ADAMTS10: variants seen among roughly 807,000 people sequenced by gnomAD.
ADAMTS10 encodes the protein ADAM metallopeptidase with thrombospondin type 1 motif 10.
In ADAMTS10, 48 loss-of-function variants were observed where a neutral mutation model predicts 135.9. The observed-to-expected ratio is 0.35, with a 90% CI of 0.28 to 0.45. ADAMTS10 has a LOEUF of 0.45. Among genes scored for constraint, ADAMTS10 ranks in the 20% least tolerant of loss-of-function variants. The probability of loss-of-function intolerance (pLI) is 1.00; values close to 1 mark genes in which losing one functional copy is unlikely to be tolerated. For synonymous variants in ADAMTS10, 621 were observed against 647.5 expected (o/e 0.96, Z 0.62); for missense variants, 1,131 against 1,565.2 (o/e 0.72, Z 4.68).
chr19:8,592,938 G>C, intron 12 of ADAMTS10, 68 bp from the exon 13 acceptor site: 1 of 1,448,398 alleles, frequency 6.9e-7, no homozygotes, highest in Non-Finnish European at 9.5e-7. Flanking sequence ...CGCCCGGCTT[G>C]GGAGGACCCA....
rs2042673300 is a variant in ADAMTS10, at chr19:8,601,940, C to T, written c.593-795G>A. Among the ~76,000 whole-genome samples, 1 of 152,164 alleles carries T rather than the reference C, an allele frequency of 6.6e-6. No homozygotes were observed. The highest frequency in any genetic ancestry group is 1.5e-5 in the Non-Finnish European group (1 of 68,046). ...TAAGCTGGTTGGTTGAATCACTGTC[C>T]CATGATGACCAGCATGATTGTACAA... On this transcript the variant is annotated intron_variant, in intron 5 of 25. Transcript: ENST00000597188. This position sits in a 1 kb window ranked among gnomAD's most constrained non-coding sequence, Gnocchi z 4.6.
chr19:8,587,529 C>CG (rs1462303320), intron 18 of ADAMTS10, among the ~76,000 whole-genome samples: 1 of 148,088 alleles, frequency 6.8e-6, no homozygotes, highest in Non-Finnish European at 1.5e-5. Flanking sequence ...TGCAGTGGTG[C>CG]GATCATAGGT....
At chr19:8,581,041 G>T in intron 25 of ADAMTS10, 39 bp from the exon 26 acceptor site, 1 of 1,495,722 alleles carries the variant, frequency 6.7e-7, no homozygotes, top group Non-Finnish European at 9.2e-7. Context: ...TCAGGTCTCA[G>T]CTGCCCTCCC....
In ADAMTS10 at chr19:8,605,430, G is replaced by C; in HGVS notation, c.89-72C>G. ...ACCCCTGTGTCCTGGCTGTTAGGCTGCTGGAGCAAGTGATGCTGGCCTCAC... is the reference window on the plus strand; with the variant it reads ...ACCCCTGTGTCCTGGCTGTTAGGCTCCTGGAGCAAGTGATGCTGGCCTCAC... On this transcript the variant is annotated intron_variant, in intron 3 of 25. Transcript: ENST00000597188. This position sits in a 1 kb window ranked among gnomAD's most constrained non-coding sequence, Gnocchi z 7.7. The C allele has an allele frequency of 6.7e-7, 1 of 1,503,504 alleles. No homozygotes were observed. Among genetic ancestry groups the C allele is most frequent in the East Asian group, 2.5e-5 (1 of 40,764 alleles). The allele number at this position is 1,503,504 out of a possible 1,614,324, so 93.1% of individuals were successfully genotyped here.
At chr19:8,589,768 G>C in intron 16 of ADAMTS10, 121 bp downstream of exon 16, 2 of 1,395,998 alleles carry the variant, frequency 1.4e-6, no homozygotes, top group Non-Finnish European at 2.0e-6. Flanking sequence ...CAGGTACTCT[G>C]TCTCCCCGGG....
At chr19:8,598,410 G>T (rs1238651135) in intron 6 of ADAMTS10, among the ~76,000 whole-genome samples, 2 of 151,834 alleles carry the variant, frequency 1.3e-5, no homozygotes, top group Non-Finnish European at 2.9e-5. Context: ...ATCACCACAG[G>T]AAAGTAAAAC....
At chr19:8,593,505 G>T (rs1450877500) in intron 12 of ADAMTS10, 1 of 154,648 alleles carries the variant, frequency 6.5e-6, no homozygotes, top group Non-Finnish European at 1.4e-5. Context: ...TTTGGGAGGG[G>T]ACAATGCCGA....
chr19:8,590,686 C>G (rs2042512468), intron 15 of ADAMTS10, among the ~76,000 whole-genome samples: 1 of 152,176 alleles, frequency 6.6e-6, no homozygotes, highest in South Asian at 2.1e-4. Flanking sequence ...TCTCGAACTC[C>G]TGACCTCAGG....
chr19:8,596,349 C>A lies in ADAMTS10; in HGVS notation c.1148G>T (p.Gly383Val). The A allele has an allele frequency of 1.2e-6, 2 of 1,613,038 alleles. No homozygotes were observed. The highest frequency in any genetic ancestry group is 1.7e-6 in the Non-Finnish European group (2 of 1,179,868). Residue 383 changes from glycine to valine, a missense_variant, in exon 10 of 26, where the codon GGC becomes GTC. This residue lies in a region of ADAMTS10 where 745 missense variants were observed against 1,056.3 expected (regional missense o/e 0.71). Coordinates refer to ENST00000597188, the MANE Select transcript of ADAMTS10 (RefSeq NM_030957.4). This position sits in a 1 kb window ranked among gnomAD's most constrained non-coding sequence, Gnocchi z 7.2. The part of the protein sequence containing the change: ...ERSCSVNEDI[G>V]LATAFTIAHE... ...GGCAATGGTGAACGCTGTGGCCAGG[C>A]CAATGTCCTCATTGACGCTGCAGCT...
At chr19:8,590,141 T>G in intron 15 of ADAMTS10, 150 bp from the exon 16 acceptor site, 1 of 656,494 alleles carries the variant, frequency 1.5e-6, no homozygotes, top group Non-Finnish European at 2.7e-6. Flanking sequence ...AGACTAGGCC[T>G]GGAAGGTAGC....
chr19:8,600,785 A>G (rs1427425146), intron 6 of ADAMTS10, 143 bp downstream of exon 6: 48 of 1,022,194 alleles, frequency 4.7e-5, no homozygotes, highest in Middle Eastern at 3.0e-4. Flanking sequence ...GGTGTGAGCC[A>G]CCGCGCCCGG....
At chr19:8,610,618 C>T (rs1179172270) in intron 1 of ADAMTS10, 26 bp downstream of exon 1, 8 of 151,170 alleles carry the variant, frequency 5.3e-5, no homozygotes, top group Admixed American at 5.3e-4. Flanking sequence ...ATCACGCACC[C>T]CCGGGCCCCC....
chr19:8,581,125 ATTTACTT>A (rs2042340878), intron 25 of ADAMTS10, 123 bp from the exon 26 acceptor site: 1 of 230,696 alleles, frequency 4.3e-6, no homozygotes, highest in Non-Finnish European at 7.2e-6. Context: ...TTCTTTTTAA[ATTTACTT>A]TTTTTTTTTT....
At chr19:8,600,500 CT>C (rs797035354) in intron 6 of ADAMTS10, among the ~76,000 whole-genome samples, 8,553 of 129,446 alleles carry the variant, frequency 0.066, 150 homozygotes, top group South Asian at 0.11. Flanking sequence ...TCTTTCTTTT[CT>C]TTTTTTTTTT....
rs71179859 is a variant in ADAMTS10, at chr19:8,592,195, A to AGAT, written c.1588-93_1588-92insATC. On this transcript the variant is annotated intron_variant, in intron 13 of 25. Coordinates refer to ENST00000597188, the MANE Select transcript of ADAMTS10 (RefSeq NM_030957.4). Reference sequence around the variant, plus strand: ...TCCCCACTCCAGGCCCCAGCCAGAGATATCAGCCTCTCCGGGATGGGCAGA... The same window carrying AGAT: ...TCCCCACTCCAGGCCCCAGCCAGAGAGATTATCAGCCTCTCCGGGATGGGCAGA... The AGAT allele has an allele frequency of 2.2e-6, 3 of 1,363,672 alleles. No homozygotes were observed. In the Admixed American group the frequency reaches 7.6e-5, roughly 35 times the overall value. The allele number at this position is 1,363,672 out of a possible 1,614,324, so 84.5% of individuals were successfully genotyped here.
chr19:8,585,059 G>GAGGGGGA lies in ADAMTS10; in HGVS notation c.3043-6_3043-5insTCCCCCT. Reference sequence around the variant, plus strand: ...GACGCCGCACTGTGCAGAGCACTGCGAGGGGGCACCACTCAGTTGCTGCCC... The same window carrying GAGGGGGA: ...GACGCCGCACTGTGCAGAGCACTGCGAGGGGGAAGGGGGCACCACTCAGTTGCTGCCC... On this transcript the variant is annotated splice_polypyrimidine_tract_variant and splice_region_variant and intron_variant, in intron 24 of 25. Coordinates refer to ENST00000597188, the MANE Select transcript of ADAMTS10 (RefSeq NM_030957.4). 1 of 1,516,736 alleles carries GAGGGGGA rather than the reference G, an allele frequency of 6.6e-7. No individual in the cohort carries two copies. The highest frequency in any genetic ancestry group is 1.2e-5 in the South Asian group (1 of 82,836). The allele number at this position is 1,516,736 out of a possible 1,614,324, so 94.0% of individuals were successfully genotyped here. A position where few individuals can be genotyped will look rare whatever the true frequency, so the allele number is the denominator to read the frequency against.
At position 8,589,432 on chromosome 19, in the gene ADAMTS10, TC is replaced by T; in HGVS notation, c.2034+19del. On this transcript the variant is annotated intron_variant, in intron 17 of 25. Coordinates refer to ENST00000597188, the MANE Select transcript of ADAMTS10 (RefSeq NM_030957.4). ...CCCCGCTCCCCATCCCCTCTCCACC[TC>T]CCTGGGAGTCCCCTCCACCTTGCAT... is the stretch of plus-strand genomic sequence containing the variant. The T allele has an allele frequency of 4.9e-6, 5 of 1,019,140 alleles. No homozygotes were observed. Among genetic ancestry groups the T allele is most frequent in the Middle Eastern group, 5.0e-4 (2 of 3,964 alleles). 63.1% of individuals were successfully genotyped at this position (1,019,140 alleles called of 1,614,324 possible).
chr19:8,590,897 C>T (rs1382279533), intron 15 of ADAMTS10, among the ~76,000 whole-genome samples: 1 of 152,178 alleles, frequency 6.6e-6, no homozygotes, highest in Non-Finnish European at 1.5e-5. Flanking sequence ...CACCTGGCCA[C>T]ATGGAGTCTT....
intron 25 of ADAMTS10, 126 bp from the exon 26 acceptor site, chr19:8,581,128 T>TA (rs2042341228): frequency 1.2e-5 from 4 of 340,812 alleles, no homozygotes; most frequent in African/African-American, 2.8e-5. Context: ...TTTTTAAATT[T>TA]ACTTTTTTTT....
Sources: allele counts gnomAD v4.1 joint callset (sites outside exome capture counted in the v4.1 genomes callset), GRCh38; gene constraint gnomAD v4.1.1; regional missense constraint gnomAD v4.1.1; non-coding constraint Gnocchi (gnomAD v3.1); transcripts MANE v1.5; gene names NCBI Gene and HGNC (gene_info 2026-07-23, HGNC 2026-07-21).